LRP1B: variants seen among roughly 807,000 people sequenced by gnomAD.
The protein encoded by LRP1B is LDL receptor related protein 1B, also known as low-density lipoprotein receptor-related protein 1B.
Under a neutral mutation model 556.6 loss-of-function variants are expected in LRP1B, and 217 were observed. The ratio of observed to expected loss-of-function variants is 0.39; its 90% CI spans 0.35 to 0.44. LRP1B has a LOEUF of 0.44. Among genes scored for constraint, LRP1B ranks in the 20% least tolerant of loss-of-function variants. The pLI is 1.00. For synonymous variants in LRP1B, 2,047 were observed against 1,865.8 expected, an observed-to-expected ratio of 1.10 and a Z score of -2.50; for missense variants, 5,053 against 5,620.8, an observed-to-expected ratio of 0.90 and a Z score of 3.23.
chr2:141,196,734 G>T (rs1343501052), intron 6 of LRP1B, among the ~76,000 whole-genome samples: 1 of 152,034 alleles, frequency 6.6e-6, no homozygotes, highest in Non-Finnish European at 1.5e-5. Flanking sequence ...TGTTGCTGTT[G>T]TTTACTTTTG....
chr2:141,487,731 T>G (rs987543846), intron 2 of LRP1B, among the ~76,000 whole-genome samples: 12 of 152,242 alleles, frequency 7.9e-5, no homozygotes, highest in Admixed American at 4.6e-4. Context: ...ACCTCTTTTT[T>G]ATTTGCCTAA....
intron 1 of LRP1B, among the ~76,000 whole-genome samples, chr2:142,026,452 A>C (rs900827472): frequency 6.6e-6 from 1 of 152,094 alleles, no homozygotes; most frequent in Non-Finnish European, 1.5e-5. Context: ...GATAAATAAC[A>C]CCTTAGAGCT....
At chr2:140,390,570 A>T (rs996364750) in intron 66 of LRP1B, among the ~76,000 whole-genome samples, 1 of 152,176 alleles carries the variant, frequency 6.6e-6, no homozygotes, top group Admixed American at 6.5e-5. Flanking sequence ...AGTAAAATAA[A>T]AAAATGATAA....
intron 2 of LRP1B, among the ~76,000 whole-genome samples, chr2:141,577,514 C>G (rs964556288): frequency 6.6e-6 from 1 of 152,086 alleles, no homozygotes; most frequent in Non-Finnish European, 1.5e-5. Flanking sequence ...GATTGAGCTG[C>G]GCTGGGGAGT....
At chr2:141,463,815 A>G (rs983581841) in intron 3 of LRP1B, among the ~76,000 whole-genome samples, 1 of 145,626 alleles carries the variant, frequency 6.9e-6, no homozygotes, top group African/African-American at 2.5e-5. Flanking sequence ...TATAAAATTT[A>G]TCCAAATTAT....
chr2:140,755,052 T>C (rs1688699958), intron 35 of LRP1B, among the ~76,000 whole-genome samples: 1 of 133,578 alleles, frequency 7.5e-6, no homozygotes, highest in South Asian at 2.6e-4. Context: ...TGAATAACTA[T>C]ATGCAAAAAT....
chr2:141,193,810 G>T (rs373941242), intron 6 of LRP1B, among the ~76,000 whole-genome samples: 1 of 151,548 alleles, frequency 6.6e-6, no homozygotes, highest in African/African-American at 2.4e-5. Context: ...ATTGTTGTTT[G>T]TCTTTTTTAT....
chr2:142,049,248 A>C (rs1163511107), intron 1 of LRP1B, among the ~76,000 whole-genome samples: 1 of 152,152 alleles, frequency 6.6e-6, no homozygotes, highest in Non-Finnish European at 1.5e-5. Flanking sequence ...ATGTTGTTAT[A>C]TGCAATGCAT....
At chr2:140,800,475 G>C (rs1395717379) in intron 32 of LRP1B, among the ~76,000 whole-genome samples, 2 of 152,156 alleles carry the variant, frequency 1.3e-5, no homozygotes, top group Non-Finnish European at 2.9e-5. Flanking sequence ...AGCCTCAGCT[G>C]AGATTTCTAG....
chr2:140,849,485 A>C (rs910789223), intron 29 of LRP1B, among the ~76,000 whole-genome samples: 1 of 151,676 alleles, frequency 6.6e-6, no homozygotes, highest in African/African-American at 2.4e-5. Flanking sequence ...CTATTCCTCC[A>C]TCAGAAAAAA....
chr2:140,270,003 T>C (rs1454281410), intron 86 of LRP1B, among the ~76,000 whole-genome samples: 1 of 151,990 alleles, frequency 6.6e-6, no homozygotes, highest in Non-Finnish European at 1.5e-5. Context: ...TTCAAAGGTC[T>C]ATGCATGTCT....
rs1231835252 is a variant in LRP1B, at chr2:141,689,534, CT to C, written c.205+120744del. On this transcript the variant is annotated intron_variant, in intron 2 of 90. Transcript: ENST00000389484. Reference sequence around the variant, plus strand: ...ATCACTTTGTAGCAAATATGTATTGCTATTGCTTTATTGTATATTGTATATA... The same window carrying C: ...ATCACTTTGTAGCAAATATGTATTGCATTGCTTTATTGTATATTGTATATA... Among the ~76,000 whole-genome samples, 6 of 148,814 alleles carry C rather than the reference CT, an allele frequency of 4.0e-5. No individual in the cohort carries two copies. The East Asian group carries it at 1.2e-3, about 29-fold the overall frequency.
intron 18 of LRP1B, among the ~76,000 whole-genome samples, chr2:140,952,937 A>G (rs534125050): frequency 6.6e-6 from 1 of 152,332 alleles, no homozygotes; most frequent in African/African-American, 2.4e-5. Flanking sequence ...TCAGGAGAAT[A>G]TGGATAGCAT....
chr2:140,439,891 T>A (rs543797598), intron 66 of LRP1B, among the ~76,000 whole-genome samples: 111 of 152,162 alleles, frequency 7.3e-4, no homozygotes, highest in African/African-American at 2.4e-3. Flanking sequence ...TTTAAAAAAA[T>A]TTACAATGAT....
intron 1 of LRP1B, among the ~76,000 whole-genome samples, chr2:142,086,633 AAACAAAC>A: frequency 3.4e-5 from 1 of 29,046 alleles, no homozygotes; most frequent in African/African-American, 6.9e-5. Context: ...ACAAACAAAC[AAACAAAC>A]AAAAAAAAAA....
At chr2:140,619,901 A>G (rs1683391381) in intron 41 of LRP1B, among the ~76,000 whole-genome samples, 1 of 152,234 alleles carries the variant, frequency 6.6e-6, no homozygotes, top group Admixed American at 6.5e-5. Context: ...CAAATATGAT[A>G]GATTCATACA....
At chr2:141,288,048 C>T (rs1685787303) in intron 3 of LRP1B, among the ~76,000 whole-genome samples, 1 of 152,084 alleles carries the variant, frequency 6.6e-6, no homozygotes. Context: ...ACTCCTTCTC[C>T]CACTCCAATA....
At chr2:140,762,801 A>T (rs1039812855) in intron 35 of LRP1B, among the ~76,000 whole-genome samples, 3 of 152,204 alleles carry the variant, frequency 2.0e-5, no homozygotes, top group Non-Finnish European at 4.4e-5. Context: ...TAATGGCCCA[A>T]AAATTCAGAA....
intron 2 of LRP1B, among the ~76,000 whole-genome samples, chr2:141,550,361 C>T (rs1437317452): frequency 6.6e-6 from 1 of 152,076 alleles, no homozygotes; most frequent in Non-Finnish European, 1.5e-5. Context: ...GGAATAAGCT[C>T]TTTGTATAGA....
Sources: allele counts gnomAD v4.1 joint callset (sites outside exome capture counted in the v4.1 genomes callset), GRCh38; gene constraint gnomAD v4.1.1; transcripts MANE v1.5; gene names NCBI Gene and HGNC (gene_info 2026-07-23, HGNC 2026-07-21).